The following DPH1 variants were observed in gnomAD, a reference collection of about 807,000 sequenced individuals.
DPH1 encodes the protein diphthamide biosynthesis 1, also known as 2-(3-amino-3-carboxypropyl)histidine synthase subunit 1.
In DPH1, 59 loss-of-function variants were observed where a neutral mutation model predicts 55.3. The ratio of observed to expected loss-of-function variants is 1.07; its 90% CI spans 0.87 to 1.33. The LOEUF is 1.33. Among genes scored for constraint, DPH1 ranks in the 40% most tolerant of loss-of-function variants. DPH1 has a pLI of 0.00. For synonymous variants in DPH1, 238 were observed against 235.5 expected, an observed-to-expected ratio of 1.01 and a Z score of -0.10; for missense variants, 628 against 584.8, an observed-to-expected ratio of 1.07 and a Z score of -0.76.
Position 2,040,820 on chromosome 17 carries a change from A to T in DPH1, c.1007+215A>T. 3 of 639,472 alleles carry T rather than the reference A, an allele frequency of 4.7e-6. No individual in the cohort carries two copies. In the South Asian group the frequency reaches 5.7e-5, roughly 12 times the overall value. 39.6% of individuals were successfully genotyped at this position (639,472 alleles called of 1,614,324 possible). A position where few individuals can be genotyped will look rare whatever the true frequency, so the allele number is the denominator to read the frequency against. On this transcript the variant is annotated intron_variant, in intron 9 of 12. Coordinates refer to ENST00000263083, the MANE Select transcript of DPH1 (RefSeq NM_001383.6). Reference sequence around the variant, plus strand: ...ACATCACATTTGTCCTTGTGAGATGAGTTTGAGCGGTGGCTGACACCTGCC... The same window carrying T: ...ACATCACATTTGTCCTTGTGAGATGTGTTTGAGCGGTGGCTGACACCTGCC...
At chr17:2,033,372 T>C (rs768900241) in intron 1 of DPH1, 133 bp from the exon 2 acceptor site, 20 of 1,398,950 alleles carry the variant, frequency 1.4e-5, no homozygotes, top group Non-Finnish European at 1.7e-5. Flanking sequence ...GGGATTTTTC[T>C]TGAGATGACT....
In DPH1 at chr17:2,036,198, G is replaced by C. The variant is rs2067421660; in HGVS notation, c.400+107G>C. On this transcript the variant is annotated intron_variant, in intron 4 of 12. Transcript: ENST00000263083. This position sits in a 1 kb window ranked among gnomAD's most constrained non-coding sequence, Gnocchi z 4.8. ...CTTCTTGTCCTGCTTGGAGACACAA[G>C]GTCCCTCCTGGTTTCTGGGGTGGCC... 1 of 1,505,088 alleles carries C rather than the reference G, an allele frequency of 6.6e-7. No homozygotes were observed. The highest frequency in any genetic ancestry group is 8.9e-7 in the Non-Finnish European group (1 of 1,124,702). The allele number at this position is 1,505,088 out of a possible 1,614,324, so 93.2% of individuals were successfully genotyped here.
intron 6 of DPH1, among the ~76,000 whole-genome samples, chr17:2,038,326 C>A (rs2067457940): frequency 6.6e-6 from 1 of 152,036 alleles, no homozygotes; most frequent in Non-Finnish European, 1.5e-5. Flanking sequence ...CTCAAAAAAA[C>A]AAAATGAAAA....
At chr17:2,033,387 A>C in intron 1 of DPH1, 118 bp from the exon 2 acceptor site, 1 of 1,523,492 alleles carries the variant, frequency 6.6e-7, no homozygotes, top group Middle Eastern at 1.7e-4. Flanking sequence ...ATGACTCAAA[A>C]TTTTTATTTC....
Position 2,036,061 on chromosome 17 carries a change from T to C in DPH1, c.370T>C (p.Phe124Leu). The change falls in exon 4 of 13, where the codon TTC becomes CTC. Residue 124 changes from phenylalanine to leucine, a missense_variant. Transcript: ENST00000263083. The surrounding 1 kb of genome is among the most constrained non-coding windows in gnomAD (Gnocchi z 4.8). ...CACAGCGAGGGCCCTGGGAGCTGAC[T>C]TCTTGGTGCACTACGGCCACAGTTG... ...DFTARALGAD[F>L]LVHYGHSCLI... 6.2e-7 allele frequency: 1 copy of C among 1,613,944 alleles called. No homozygotes were observed. Among genetic ancestry groups the C allele is most frequent in the Non-Finnish European group, 8.5e-7 (1 of 1,179,912 alleles).
At chr17:2,033,722 T>TC in intron 2 of DPH1, 57 bp from the exon 3 acceptor site, 1 of 1,613,758 alleles carries the variant, frequency 6.2e-7, no homozygotes, top group Non-Finnish European at 8.5e-7. Context: ...TGGGACAGTG[T>TC]CCCCCTTGCA....
At chr17:2,031,804 G>T (rs1237658826) in intron 1 of DPH1, among the ~76,000 whole-genome samples, 1 of 152,174 alleles carries the variant, frequency 6.6e-6, no homozygotes, top group Non-Finnish European at 1.5e-5. Context: ...GGAGTAGGAT[G>T]AGACCAGAGT....
intron 1 of DPH1, among the ~76,000 whole-genome samples, chr17:2,031,511 G>A (rs1284858949): frequency 2.1e-5 from 3 of 142,486 alleles, no homozygotes; most frequent in Non-Finnish European, 4.5e-5. Flanking sequence ...GCAGTGAGCC[G>A]AGATTGCACC....
intron 3 of DPH1, among the ~76,000 whole-genome samples, chr17:2,035,603 G>A (rs1389429013): frequency 4.6e-5 from 7 of 150,914 alleles, no homozygotes; most frequent in Non-Finnish European, 8.9e-5. Context: ...CACTCAGCGC[G>A]GGAGTGAGGA....
intron 6 of DPH1, among the ~76,000 whole-genome samples, chr17:2,038,078 G>A (rs907222905): frequency 1.3e-5 from 2 of 149,570 alleles, no homozygotes; most frequent in African/African-American, 4.9e-5. Context: ...GGGAGGCCAA[G>A]GCAGGAGAAT....
chr17:2,040,802 A>G (rs776442282), intron 9 of DPH1, 197 bp downstream of exon 9: 44 of 653,538 alleles, frequency 6.7e-5, no homozygotes, highest in Non-Finnish European at 1.1e-4. Context: ...GCAACATCAC[A>G]TTTGTCCTTG....
intron 12 of DPH1, chr17:2,042,266 TTCC>T: frequency 7.1e-7 from 1 of 1,403,858 alleles, no homozygotes. Flanking sequence ...CGCACTCAGT[TTCC>T]TCCATCTTGT....
chr17:2,042,047 A>C (rs766512227), intron 12 of DPH1, 172 bp downstream of exon 12: 2 of 1,523,394 alleles, frequency 1.3e-6, no homozygotes, highest in East Asian at 4.9e-5. Flanking sequence ...TGCCGGGCAT[A>C]ATGGCCGCGC....
At chr17:2,033,401 G>A (rs774760194) in intron 1 of DPH1, 104 bp from the exon 2 acceptor site, 1 of 1,569,086 alleles carries the variant, frequency 6.4e-7, no homozygotes, top group South Asian at 1.1e-5. Context: ...TTATTTCTAT[G>A]CTTGAGCGGG....
At chr17:2,041,064 G>C in intron 9 of DPH1, 39 bp from the exon 10 acceptor site, 1 of 1,569,334 alleles carries the variant, frequency 6.4e-7, no homozygotes. Flanking sequence ...GGGCGACGAG[G>C]AGGCCCTTCC....
Position 2,042,915 on chromosome 17 carries a change from G to A in DPH1, c.*329G>A. 2 of 1,614,136 alleles carry A rather than the reference G, an allele frequency of 1.2e-6. No individual in the cohort carries two copies. The highest frequency in any genetic ancestry group is 1.7e-6 in the Non-Finnish European group (2 of 1,180,034). ...GGTTCAAGGAATCCATCCTGCAAAG[G>A]CCCTTGTCATTGCCTTCGCTCCATG... is the stretch of plus-strand genomic sequence containing the variant. On this transcript the variant is annotated 3_prime_UTR_variant, in exon 13 of 13. Coordinates refer to ENST00000263083, the MANE Select transcript of DPH1 (RefSeq NM_001383.6).
At chr17:2,035,468 G>GGACGAGAGGGCCCTGCCTGC (rs2067404951) in intron 3 of DPH1, among the ~76,000 whole-genome samples, 17 of 14,312 alleles carry the variant, frequency 1.2e-3, no homozygotes, top group Admixed American at 3.4e-3. Flanking sequence ...GTGGGGGTCC[G>GGACGAGAGGGCCCTGCCTGC]GGTGAGGGGG....
chr17:2,042,876 T>C lies in DPH1; in HGVS notation c.*290T>C. ...TTATCCTCTTGGTGTCTGGTTTCTG[T>C]CCCCGGGGCATTGGGTTCAAGGAAT... is the stretch of plus-strand genomic sequence containing the variant. On this transcript the variant is annotated 3_prime_UTR_variant, in exon 13 of 13. Coordinates refer to ENST00000263083, the MANE Select transcript of DPH1 (RefSeq NM_001383.6). 6.2e-7 allele frequency: 1 copy of C among 1,614,150 alleles called. No homozygotes were observed. The highest frequency in any genetic ancestry group is 8.5e-7 in the Non-Finnish European group (1 of 1,180,018).
intron 8 of DPH1, 25 bp from the exon 9 acceptor site, chr17:2,040,480 C>T: frequency 6.2e-7 from 1 of 1,614,076 alleles, no homozygotes; most frequent in Non-Finnish European, 8.5e-7. Context: ...CAGGTGACCC[C>T]CACCCTGCCT....
Sources: allele counts gnomAD v4.1 joint callset (sites outside exome capture counted in the v4.1 genomes callset), GRCh38; gene constraint gnomAD v4.1.1; non-coding constraint Gnocchi (gnomAD v3.1); transcripts MANE v1.5; gene names NCBI Gene and HGNC (gene_info 2026-07-23, HGNC 2026-07-21).